The following EXT1 variants were observed in gnomAD, a reference collection of about 807,000 sequenced individuals.
EXT1 encodes exostosin-1.
In EXT1, 20 loss-of-function variants were observed where a neutral mutation model predicts 82.5. That is an observed-to-expected ratio of 0.24 (90% confidence interval 0.17 to 0.35). The LOEUF (loss-of-function observed/expected upper bound fraction) is 0.35, where lower values mean the gene tolerates loss of function less well. EXT1 is among the 10% of genes least tolerant of loss of function. The pLI is 1.00. For missense variants in EXT1, 757 were observed against 936.5 expected (o/e 0.81, Z 2.50); for synonymous variants, 348 against 350.8 (o/e 0.99, Z 0.09).
intron 1 of EXT1, among the ~76,000 whole-genome samples, chr8:118,064,156 G>A (rs536212671): frequency 1.1e-4 from 16 of 152,184 alleles, no homozygotes; most frequent in South Asian, 4.2e-4. Flanking sequence ...GAGCCACCGC[G>A]TCAAGTCGCT....
intron 1 of EXT1, among the ~76,000 whole-genome samples, chr8:118,090,019 C>G (rs1218355543): frequency 6.6e-6 from 1 of 152,170 alleles, no homozygotes; most frequent in Non-Finnish European, 1.5e-5. Flanking sequence ...TTGGTAACTG[C>G]TAGAGAGAAC....
chr8:118,040,398 T>G (rs1422855821), intron 1 of EXT1, among the ~76,000 whole-genome samples: 1 of 152,244 alleles, frequency 6.6e-6, no homozygotes, highest in Non-Finnish European at 1.5e-5. Context: ...ATTTTGAACA[T>G]GTTTCACACC....
intron 1 of EXT1, among the ~76,000 whole-genome samples, chr8:118,105,866 A>C (rs1171854188): frequency 6.6e-6 from 1 of 152,220 alleles, no homozygotes; most frequent in Non-Finnish European, 1.5e-5. Flanking sequence ...ATGAGGAAAA[A>C]AAGAAAAAAG....
At chr8:118,066,299 ATTATT>A (rs1816985039) in intron 1 of EXT1, among the ~76,000 whole-genome samples, 1 of 151,720 alleles carries the variant, frequency 6.6e-6, no homozygotes, top group Admixed American at 6.6e-5. Flanking sequence ...TCTCTTCCTT[ATTATT>A]TTCTTAATAA....
At chr8:117,830,386 T>C (rs1812079296) in intron 3 of EXT1, 37 bp from the exon 4 acceptor site, 1 of 1,609,556 alleles carries the variant, frequency 6.2e-7, no homozygotes, top group South Asian at 1.1e-5. Context: ...ATTATAACTG[T>C]AAAACAAAGA....
intron 1 of EXT1, among the ~76,000 whole-genome samples, chr8:118,090,692 T>C (rs1740352665): frequency 7.0e-6 from 1 of 143,422 alleles, no homozygotes; most frequent in Non-Finnish European, 1.5e-5. Flanking sequence ...TGCAGGAGAA[T>C]TGCTTGAGCC....
chr8:117,860,892 G>A (rs1024476336), intron 1 of EXT1, among the ~76,000 whole-genome samples: 2 of 152,196 alleles, frequency 1.3e-5, no homozygotes, highest in African/African-American at 2.4e-5. Flanking sequence ...GGGGCTAAAG[G>A]TCAGATACAA....
chr8:117,967,308 A>G (rs1057430348), intron 1 of EXT1, among the ~76,000 whole-genome samples: 2 of 152,110 alleles, frequency 1.3e-5, no homozygotes, highest in Non-Finnish European at 2.9e-5. Flanking sequence ...TGTGTGACCA[A>G]CTCTTCACTC....
chr8:117,988,050 T>C (rs751197250), intron 1 of EXT1, among the ~76,000 whole-genome samples: 33 of 152,286 alleles, frequency 2.2e-4, no homozygotes, highest in Non-Finnish European at 4.1e-4. Context: ...ATGGTGCCAT[T>C]GCACTCCAGC....
At chr8:117,919,012 A>T (rs7833960) in intron 1 of EXT1, among the ~76,000 whole-genome samples, 1,551 of 152,056 alleles carry the variant, frequency 0.01, 23 homozygotes, top group African/African-American at 0.033. Flanking sequence ...TTACCTCTCC[A>T]AAAATCTACT....
intron 1 of EXT1, among the ~76,000 whole-genome samples, chr8:118,054,391 C>T (rs185202008): frequency 6.6e-6 from 1 of 152,250 alleles, no homozygotes; most frequent in Non-Finnish European, 1.5e-5. Flanking sequence ...TACAGTCTTC[C>T]AAGCCTATTC....
chr8:117,838,466 A>G (rs1015590888), intron 1 of EXT1, among the ~76,000 whole-genome samples: 13 of 152,196 alleles, frequency 8.5e-5, no homozygotes, highest in African/African-American at 3.1e-4. Flanking sequence ...GCAAAGGACC[A>G]TTTGCTTAAA....
intron 1 of EXT1, among the ~76,000 whole-genome samples, chr8:117,963,515 G>A (rs1015173968): frequency 2.0e-5 from 3 of 151,986 alleles, no homozygotes; most frequent in Non-Finnish European, 2.9e-5. Context: ...TTTTGAGACA[G>A]GGTCTCACTC....
chr8:117,889,831 G>T (rs976824521), intron 1 of EXT1, among the ~76,000 whole-genome samples: 2 of 152,068 alleles, frequency 1.3e-5, no homozygotes, highest in Admixed American at 6.6e-5. Flanking sequence ...AGGAAAATTC[G>T]AACAACATCT....
intron 1 of EXT1, among the ~76,000 whole-genome samples, chr8:117,857,852 G>A (rs766642146): frequency 1.3e-5 from 2 of 152,160 alleles, no homozygotes; most frequent in African/African-American, 4.8e-5. Flanking sequence ...CATTCTAGAT[G>A]CCATAAAGAA....
intron 1 of EXT1, among the ~76,000 whole-genome samples, chr8:117,921,055 G>A (rs1125103): frequency 0.78 from 118,047 of 152,134 alleles, 47,042 homozygotes; most frequent in African/African-American, 0.95. Context: ...TGCATCGAAA[G>A]GGTGGTTTTT....
intron 1 of EXT1, among the ~76,000 whole-genome samples, chr8:117,931,455 G>A (rs1305815196): frequency 2.0e-5 from 3 of 151,820 alleles, no homozygotes; most frequent in African/African-American, 7.3e-5. Context: ...ATTTTGTGTG[G>A]GGCGGGGGTG....
At chr8:117,866,223 TCAAA>T (rs1386000266) in intron 1 of EXT1, among the ~76,000 whole-genome samples, 1 of 152,188 alleles carries the variant, frequency 6.6e-6, no homozygotes, top group Admixed American at 6.5e-5. Context: ...AGACTCAGTC[TCAAA>T]CAAAGAAGTT....
rs574524815 is a variant in EXT1 at position 117,832,562 on chromosome 8, G to C, written c.1165-2213C>G. Among the ~76,000 whole-genome samples the C allele has an allele frequency of 1.6e-4, 24 of 151,650 alleles. 1 individual carries two copies. The highest frequency in any genetic ancestry group is 5.3e-4 in the African/African-American group (22 of 41,386). Reference sequence around the variant, plus strand: ...AGAAAAGAAAAGAAAAATGCCTAAAGCTGTCATTGCTATATAGTCTCCAGA... The same window carrying C: ...AGAAAAGAAAAGAAAAATGCCTAAACCTGTCATTGCTATATAGTCTCCAGA... On this transcript the variant is annotated intron_variant, in intron 3 of 10. Coordinates refer to ENST00000378204, the MANE Select transcript of EXT1 (RefSeq NM_000127.3).
Sources: allele counts gnomAD v4.1 joint callset (sites outside exome capture counted in the v4.1 genomes callset), GRCh38; gene constraint gnomAD v4.1.1; transcripts MANE v1.5; gene names NCBI Gene and HGNC (gene_info 2026-07-23, HGNC 2026-07-21).